The following CRY1 variants were observed in gnomAD, a reference collection of about 807,000 sequenced individuals.
CRY1 encodes the protein cryptochrome circadian regulator 1.
In CRY1, 45 loss-of-function variants were observed where a neutral mutation model predicts 76.0. That is an observed-to-expected ratio of 0.59 (90% confidence interval 0.47 to 0.76). CRY1 has a LOEUF of 0.76. Ranked by LOEUF, CRY1 falls within the 30% of genes least tolerant of loss-of-function variation. CRY1 has a pLI of 0.00. For missense variants in CRY1, 587 were observed against 716.4 expected (o/e 0.82, Z 2.06); for synonymous variants, 248 against 244.0 (o/e 1.02, Z -0.15).
intron 1 of CRY1, among the ~76,000 whole-genome samples, chr12:107,079,929 C>T (rs189155888): frequency 2.8e-4 from 42 of 152,178 alleles, no homozygotes; most frequent in Non-Finnish European, 5.1e-4. Flanking sequence ...ACTCTACTTG[C>T]TGTGTAGCGA....
Position 106,997,525 on chromosome 12 carries a change from T to C in CRY1, c.1455A>G (p.Lys485=), listed in dbSNP as rs776539382. 1.9e-6 allele frequency: 3 copies of C among 1,614,118 alleles called. No individual in the cohort carries two copies. In the South Asian group the frequency reaches 3.3e-5, roughly 18 times the overall value. The change falls in exon 9 of 13, where the codon AAA becomes AAG. Residue 485 remains lysine, a synonymous_variant. Coordinates refer to ENST00000008527, the MANE Select transcript of CRY1 (RefSeq NM_004075.5). ...EASRLNIERM[K]QIYQQLSRYR... Reference sequence around the variant, plus strand: ...ATCGTGAAAGCTGCTGATAGATCTGTTTCATCCTTTCGATATTCAAACGGC... The same window carrying C: ...ATCGTGAAAGCTGCTGATAGATCTGCTTCATCCTTTCGATATTCAAACGGC...
At chr12:107,068,124 A>G (rs1354480757) in intron 1 of CRY1, among the ~76,000 whole-genome samples, 1 of 152,202 alleles carries the variant, frequency 6.6e-6, no homozygotes, top group African/African-American at 2.4e-5. Context: ...CATCCTAATT[A>G]GTTTCATGCT....
In CRY1 at chr12:107,039,096, G is replaced by A. The variant is rs375730526; in HGVS notation, c.159-16904C>T. Among the ~76,000 whole-genome samples, 6 of 152,172 alleles carry A rather than the reference G, an allele frequency of 3.9e-5. No homozygotes were observed. The East Asian group carries it at 7.7e-4, about 20-fold the overall frequency. On this transcript the variant is annotated intron_variant, in intron 1 of 12. Coordinates refer to ENST00000008527, the MANE Select transcript of CRY1 (RefSeq NM_004075.5). ...GCCGGGATCGTGCCATTGTACTCCAGCCTGGGCAACAACAGCAAAACTCCA... is the reference window on the plus strand; with the variant it reads ...GCCGGGATCGTGCCATTGTACTCCAACCTGGGCAACAACAGCAAAACTCCA...
intron 1 of CRY1, among the ~76,000 whole-genome samples, chr12:107,081,576 A>G (rs1241399849): frequency 6.6e-6 from 1 of 152,060 alleles, no homozygotes; most frequent in Non-Finnish European, 1.5e-5. Context: ...TTTATTCAAT[A>G]CTGTATACCC....
chr12:107,054,739 G>A (rs1446073428), intron 1 of CRY1, among the ~76,000 whole-genome samples: 2 of 150,780 alleles, frequency 1.3e-5, no homozygotes, highest in African/African-American at 2.4e-5. Context: ...ATAATGAACT[G>A]TAAAGAAATA....
intron 10 of CRY1, among the ~76,000 whole-genome samples, chr12:106,994,692 G>A (rs543293140): frequency 6.6e-6 from 1 of 152,168 alleles, no homozygotes; most frequent in African/African-American, 2.4e-5. Flanking sequence ...CCAAATAAAC[G>A]ACACAGGTTT....
At chr12:107,008,659 T>C (rs1024967139) in intron 2 of CRY1, among the ~76,000 whole-genome samples, 2 of 152,198 alleles carry the variant, frequency 1.3e-5, no homozygotes, top group African/African-American at 2.4e-5. Context: ...CTTTATCAAA[T>C]TGCTATTTAG....
At chr12:107,065,699 TAGAA>T (rs1953102017) in intron 1 of CRY1, among the ~76,000 whole-genome samples, 1 of 152,242 alleles carries the variant, frequency 6.6e-6, no homozygotes, top group East Asian at 1.9e-4. Context: ...GCACTGGTGG[TAGAA>T]AGAAATACAG....
intron 1 of CRY1, among the ~76,000 whole-genome samples, chr12:107,027,766 G>A (rs886836919): frequency 2.0e-5 from 3 of 152,070 alleles, no homozygotes; most frequent in Non-Finnish European, 4.4e-5. Flanking sequence ...GCAACCAGTG[G>A]ACGGTTTAGT....
chr12:107,027,805 G>C (rs545596528), intron 1 of CRY1, among the ~76,000 whole-genome samples: 27 of 152,200 alleles, frequency 1.8e-4, no homozygotes, highest in African/African-American at 6.5e-4. Flanking sequence ...CTACTTACCA[G>C]TCTGTGCTAG....
intron 2 of CRY1, among the ~76,000 whole-genome samples, chr12:107,009,631 C>T (rs964829826): frequency 5.0e-5 from 7 of 139,514 alleles, no homozygotes; most frequent in African/African-American, 8.0e-5. Context: ...GTTCACGGTC[C>T]GGTACGGTGG....
At chr12:107,042,962 T>C (rs1440574218) in intron 1 of CRY1, 6 of 152,226 alleles carry the variant, frequency 3.9e-5, no homozygotes, top group African/African-American at 1.2e-4. Flanking sequence ...GGAGTCCACG[T>C]AACTGTGCTC....
At chr12:107,074,321 T>G (rs1425090532) in intron 1 of CRY1, among the ~76,000 whole-genome samples, 1 of 152,200 alleles carries the variant, frequency 6.6e-6, no homozygotes, top group Non-Finnish European at 1.5e-5. Flanking sequence ...AATTTAATAT[T>G]AAGTCATTCT....
intron 1 of CRY1, among the ~76,000 whole-genome samples, chr12:107,081,819 T>C (rs1307889953): frequency 6.6e-6 from 1 of 152,026 alleles, no homozygotes; most frequent in Admixed American, 6.6e-5. Context: ...GTCATATGCA[T>C]TGTACTGTCA....
At chr12:107,078,227 T>C (rs1341019930) in intron 1 of CRY1, among the ~76,000 whole-genome samples, 1 of 152,160 alleles carries the variant, frequency 6.6e-6, no homozygotes, top group Non-Finnish European at 1.5e-5. Flanking sequence ...GTCAATCAAA[T>C]ACAAAGATGC....
intron 1 of CRY1, among the ~76,000 whole-genome samples, chr12:107,085,652 G>A (rs1172623121): frequency 6.6e-6 from 1 of 152,084 alleles, no homozygotes; most frequent in African/African-American, 2.4e-5. Flanking sequence ...ACATACCGGG[G>A]CCTGCCAGGG....
At chr12:106,992,641 A>C in intron 12 of CRY1, 146 bp downstream of exon 12, 2 of 702,362 alleles carry the variant, frequency 2.8e-6, no homozygotes, top group Admixed American at 5.6e-5. Flanking sequence ...ACCAAAAATT[A>C]ACTGAGTTTG....
chr12:107,077,276 A>G (rs1367511359), intron 1 of CRY1, among the ~76,000 whole-genome samples: 16 of 152,178 alleles, frequency 1.1e-4, no homozygotes. Flanking sequence ...ATTTCCACAG[A>G]GGTCCTTTTT....
At chr12:107,031,283 C>T (rs1024142941) in intron 1 of CRY1, among the ~76,000 whole-genome samples, 1 of 152,180 alleles carries the variant, frequency 6.6e-6, no homozygotes, top group Admixed American at 6.5e-5. Context: ...GGAGATAAAG[C>T]CCAAGACCCA....
Sources: allele counts gnomAD v4.1 joint callset (sites outside exome capture counted in the v4.1 genomes callset), GRCh38; gene constraint gnomAD v4.1.1; transcripts MANE v1.5; gene names NCBI Gene and HGNC (gene_info 2026-07-23, HGNC 2026-07-21).